TMEM268: variants seen among roughly 807,000 people sequenced by gnomAD.
TMEM268 encodes transmembrane protein 268.
A neutral mutation model predicts 39.1 loss-of-function variants in TMEM268; 24 were observed. That is an observed-to-expected ratio of 0.61 (90% CI 0.44 to 0.86). The LOEUF is 0.86. TMEM268 is among the 40% of genes least tolerant of loss of function. TMEM268 has a pLI of 0.00. For missense variants in TMEM268, 409 were observed against 428.6 expected, an observed-to-expected ratio of 0.95 and a Z score of 0.40; for synonymous variants, 176 against 173.5, an observed-to-expected ratio of 1.01 and a Z score of -0.12.
At chr9:114,624,290 C>T (rs1354201293) in intron 2 of TMEM268, 60 bp from the exon 3 acceptor site, 2 of 1,548,644 alleles carry the variant, frequency 1.3e-6, no homozygotes, top group African/African-American at 1.4e-5. Context: ...GCTTCGGGCT[C>T]ACCCCACGAG....
intron 2 of TMEM268, among the ~76,000 whole-genome samples, chr9:114,618,317 T>C (rs1306047491): frequency 6.6e-6 from 1 of 152,212 alleles, no homozygotes; most frequent in Non-Finnish European, 1.5e-5. Flanking sequence ...CTGCATTCCC[T>C]TCTGCCTGTT....
intron 4 of TMEM268, among the ~76,000 whole-genome samples, chr9:114,627,828 T>C (rs1846225937): frequency 6.6e-6 from 1 of 152,212 alleles, no homozygotes; most frequent in Non-Finnish European, 1.5e-5. Flanking sequence ...TTGTCTCACT[T>C]CAGATCCACC....
chr9:114,622,292 T>C, intron 2 of TMEM268: 1 of 985,336 alleles, frequency 1.0e-6, no homozygotes, highest in Non-Finnish European at 1.2e-6. Context: ...CCTGCCTCAT[T>C]GTCTAAGCAG....
chr9:114,639,172 G>A (rs1202573558), intron 8 of TMEM268, among the ~76,000 whole-genome samples: 2 of 151,890 alleles, frequency 1.3e-5, no homozygotes, highest in Non-Finnish European at 2.9e-5. Context: ...TCTCACTCCC[G>A]TCACCCAGGC....
chr9:114,624,457 C>G lies in TMEM268; in HGVS notation c.214C>G (p.Gln72Glu), dbSNP rs1447894692. ...AGAGCAACTGCAAACTTGGGGCATC[C>G]AGGTGAGTGCTGATTTCCTTGAATC... ...AEEQLQTWGI[Q>E]VPADQYRSLA... The change falls in exon 3 of 9, where the codon CAG becomes GAG. Residue 72 changes from glutamine to glutamate, a missense_variant and splice_region_variant. Physicochemically the swap from Gln to Glu is conservative, Grantham distance 29. Coordinates refer to ENST00000288502, the MANE Select transcript of TMEM268 (RefSeq NM_153045.4). 3.2e-6 allele frequency: 5 copies of G among 1,569,278 alleles called. No homozygotes were observed. The highest frequency in any genetic ancestry group is 4.3e-6 in the Non-Finnish European group (5 of 1,155,234).
intron 2 of TMEM268, among the ~76,000 whole-genome samples, chr9:114,622,862 G>T (rs886988648): frequency 6.6e-6 from 1 of 152,048 alleles, no homozygotes; most frequent in Non-Finnish European, 1.5e-5. Flanking sequence ...AGGCCGAGGC[G>T]GGCAGATAAC....
chr9:114,632,567 A>G (rs1232665316), intron 5 of TMEM268, among the ~76,000 whole-genome samples: 4 of 152,016 alleles, frequency 2.6e-5, no homozygotes, highest in Non-Finnish European at 5.9e-5. Flanking sequence ...CGTGGCGTCC[A>G]TTGGTTTGGG....
At chr9:114,613,252 T>C (rs1282559059) in intron 1 of TMEM268, among the ~76,000 whole-genome samples, 1 of 152,216 alleles carries the variant, frequency 6.6e-6, no homozygotes, top group African/African-American at 2.4e-5. Flanking sequence ...TGTGGTTTCT[T>C]CTGAAAGACA....
upstream of TMEM268, among the ~76,000 whole-genome samples, chr9:114,610,998 A>G (rs1845463306): frequency 1.3e-5 from 2 of 152,194 alleles, no homozygotes; most frequent in Admixed American, 6.5e-5. Flanking sequence ...AAGCAAGAGG[A>G]TCGCTTGAGG....
At chr9:114,637,424 C>T (rs144916026) in intron 7 of TMEM268, among the ~76,000 whole-genome samples, 9,412 of 151,372 alleles carry the variant, frequency 0.062, 457 homozygotes, top group South Asian at 0.19. Context: ...TCCGGAGTAG[C>T]TGGAATTACA....
the TMEM268 span, among the ~76,000 whole-genome samples, chr9:114,605,045 G>C: frequency 6.6e-6 from 1 of 152,166 alleles, no homozygotes; most frequent in African/African-American, 2.4e-5. Flanking sequence ...TAAAGCCTTT[G>C]AGCCTGATTG....
At chr9:114,632,135 G>A (rs76945317) in intron 5 of TMEM268, among the ~76,000 whole-genome samples, 5,455 of 150,296 alleles carry the variant, frequency 0.036, 156 homozygotes, top group South Asian at 0.12. Flanking sequence ...AGGTATAAAT[G>A]TAAACTGGAG....
At chr9:114,608,933 T>C (rs1437224243), upstream of TMEM268, among the ~76,000 whole-genome samples, 1 of 152,176 alleles carries the variant, frequency 6.6e-6, no homozygotes, top group East Asian at 1.9e-4. Flanking sequence ...ATGCTGTCTC[T>C]GAGGGCTGGC....
chr9:114,633,198 G>C (rs1366070695), intron 5 of TMEM268, among the ~76,000 whole-genome samples: 2 of 147,854 alleles, frequency 1.4e-5, no homozygotes, highest in Non-Finnish European at 3.0e-5. Context: ...GTCTCACTCT[G>C]TTGCCCAGGC....
chr9:114,606,733 A>T (rs751371486), upstream of TMEM268, among the ~76,000 whole-genome samples: 1 of 152,160 alleles, frequency 6.6e-6, no homozygotes, highest in Non-Finnish European at 1.5e-5. Context: ...CTGAGTTCCC[A>T]GCCTGAATTA....
chr9:114,646,130 C>T lies in TMEM268; in HGVS notation c.*2817C>T, dbSNP rs1827560677. On this transcript the variant is annotated 3_prime_UTR_variant, in exon 9 of 9. Transcript: ENST00000288502. ...CAGCCAGCTCCTAAGTCTTAAGGCT[C>T]TGTGTTAGTGATAGATGTGGCCATG... The T allele has an allele frequency of 6.6e-6, 1 of 152,082 alleles. No homozygotes were observed. The highest frequency in any genetic ancestry group is 2.4e-5 in the African/African-American group (1 of 41,394). The allele number at this position is 152,082 out of a possible 1,614,324, so 9.4% of individuals were successfully genotyped here.
chr9:114,632,085 G>A (rs56765969), intron 5 of TMEM268, among the ~76,000 whole-genome samples: 4,023 of 141,664 alleles, frequency 0.028, 103 homozygotes, highest in East Asian at 0.13. Flanking sequence ...GTGACAGAGC[G>A]AGACTAGGTC....
Position 114,626,892 on chromosome 9 carries a change from C to T in TMEM268, c.217-7C>T. The T allele has an allele frequency of 6.3e-7, 1 of 1,598,168 alleles. No homozygotes were observed. The highest frequency in any genetic ancestry group is 1.1e-5 in the South Asian group (1 of 90,486). On this transcript the variant is annotated splice_polypyrimidine_tract_variant and splice_region_variant and intron_variant, in intron 3 of 8. Transcript: ENST00000288502. The stretch of plus-strand genomic sequence containing the variant: ...CTGATTGATCTCTTTCCCTGGGTTC[C>T]AAGCAGGTCCCGGCTGACCAGTACA...
At chr9:114,620,855 T>C (rs1265696456) in intron 2 of TMEM268, among the ~76,000 whole-genome samples, 2 of 152,110 alleles carry the variant, frequency 1.3e-5, no homozygotes, top group African/African-American at 4.8e-5. Flanking sequence ...CGAGCTCCAA[T>C]TTGAACTCCA....
Sources: gnomAD v4.1 joint callset for allele counts (sites outside exome capture counted in the v4.1 genomes callset) on GRCh38, gnomAD v4.1.1 for gene constraint, MANE v1.5 for transcripts, NCBI Gene and HGNC (gene_info 2026-07-23, HGNC 2026-07-21) for gene names.